SYTL4: variants seen among roughly 807,000 people sequenced by gnomAD.
SYTL4 encodes the protein synaptotagmin like 4, also known as synaptotagmin-like protein 4.
In SYTL4, 16 loss-of-function variants were observed where a neutral mutation model predicts 52.7. The observed-to-expected ratio is 0.30, with a 90% CI of 0.21 to 0.46. SYTL4 has a LOEUF of 0.46. Ranked by LOEUF, SYTL4 falls within the 20% of genes least tolerant of loss-of-function variation. The pLI, the probability that SYTL4 is intolerant of heterozygous loss-of-function variation, is 1.00. For missense variants in SYTL4, 423 were observed against 519.9 expected, an observed-to-expected ratio of 0.81 and a Z score of 1.81; for synonymous variants, 160 against 186.6, an observed-to-expected ratio of 0.86 and a Z score of 1.16.
At chrX:100,691,046 T>G (rs1404978635) in intron 9 of SYTL4, 62 bp downstream of exon 9, 1 of 857,556 alleles carries the variant, frequency 1.2e-6, no homozygotes, top group Non-Finnish European at 1.7e-6. Context: ...GGAACACTGA[T>G]GCTGCAGAAC....
At chrX:100,699,482 CTTTTT>C (rs1181762978) in intron 8 of SYTL4, among the ~76,000 whole-genome samples, 1 of 59,892 alleles carries the variant, frequency 1.7e-5, no homozygotes, top group African/African-American at 9.7e-5. Context: ...CAGCATTACT[CTTTTT>C]TTTTTTTTTT....
intron 8 of SYTL4, among the ~76,000 whole-genome samples, chrX:100,697,560 AATTTAACC>A (rs1460670227): frequency 8.9e-6 from 1 of 111,980 alleles, no homozygotes; most frequent in Non-Finnish European, 1.9e-5. Flanking sequence ...TCTGGAGAAG[AATTTAACC>A]CTAGGAAAAC....
intron 2 of SYTL4, among the ~76,000 whole-genome samples, chrX:100,730,228 G>A (rs2084614003): frequency 1.8e-5 from 2 of 111,548 alleles, no homozygotes; most frequent in Admixed American, 9.5e-5. Flanking sequence ...TAGTGGTAAC[G>A]TGGCAACTGG....
intron 2 of SYTL4, among the ~76,000 whole-genome samples, chrX:100,718,805 T>TTA (rs2084280046): frequency 9.3e-6 from 1 of 107,396 alleles, no homozygotes; most frequent in South Asian, 4.2e-4. Context: ...ACTCCTTTTT[T>TTA]TTTTTTTGTG....
rs144128743 is a variant in SYTL4, at chrX:100,727,726, A to C, written c.-240+3692T>G. ...GCAGAACACATGATACAGTCTGAAG[A>C]TCAGGTCAGCAGGACTCCCTCATGA... On this transcript the variant is annotated intron_variant, in intron 2 of 19. Coordinates refer to ENST00000372989, the MANE Select transcript of SYTL4 (RefSeq NM_001370165.1). Among the ~76,000 whole-genome samples the C allele has an allele frequency of 6.3e-5, 7 of 111,949 alleles. No homozygotes were observed. In the East Asian group the frequency reaches 2.0e-3, roughly 31 times the overall value.
Position 100,712,983 on chromosome X carries a change from C to T in SYTL4, c.-239-8097G>A, listed in dbSNP as rs145888876. On this transcript the variant is annotated intron_variant, in intron 2 of 19. Transcript: ENST00000372989. ...TAGAATGACCAAAATTTAAAATGCA[C>T]CAAATGTTGGCCGGCATTTGAAGCA... 5.5e-3 allele frequency among the ~76,000 whole-genome samples: 616 copies of T among 112,110 alleles called. 8 individuals carry two copies. The highest frequency in any genetic ancestry group is 0.019 in the African/African-American group (579 of 30,860).
At chrX:100,719,533 T>C (rs2084296539) in intron 2 of SYTL4, among the ~76,000 whole-genome samples, 1 of 105,747 alleles carries the variant, frequency 9.5e-6, no homozygotes, top group Admixed American at 9.9e-5. Context: ...TCTGGCTTAC[T>C]TTCCCAGACC....
At chrX:100,724,844 C>T (rs1488998723) in intron 2 of SYTL4, among the ~76,000 whole-genome samples, 1 of 81,476 alleles carries the variant, frequency 1.2e-5, no homozygotes, top group African/African-American at 4.7e-5. Context: ...TCCCCCTCTG[C>T]GAGAAACACC....
chrX:100,719,653 A>C (rs2084299963), intron 2 of SYTL4, among the ~76,000 whole-genome samples: 1 of 97,631 alleles, frequency 1.0e-5, no homozygotes, highest in African/African-American at 3.7e-5. Context: ...CCATCCTAAA[A>C]GATGGCAGGT....
At chrX:100,685,324 T>C (rs946933382) in intron 16 of SYTL4, 1 of 112,191 alleles carries the variant, frequency 8.9e-6, no homozygotes, top group Non-Finnish European at 1.9e-5. Flanking sequence ...TAAGATGAAC[T>C]TTGTCATGTC....
At chrX:100,685,926 G>A in intron 16 of SYTL4, 64 bp downstream of exon 16, 1 of 1,068,894 alleles carries the variant, frequency 9.4e-7, no homozygotes, top group African/African-American at 1.8e-5. Context: ...ACATAGACCA[G>A]CAGAGGCTAC....
chrX:100,701,798 C>T lies in SYTL4; in HGVS notation c.111-125G>A, dbSNP rs910851965. The T allele has an allele frequency of 7.3e-6, 6 of 821,095 alleles. No individual in the cohort carries two copies. The South Asian group carries it at 9.7e-5, about 13-fold the overall frequency. 67.7% of individuals were successfully genotyped at this position (821,095 alleles called of 1,213,427 possible). A position where few individuals can be genotyped will look rare whatever the true frequency, so the allele number is the denominator to read the frequency against. On this transcript the variant is annotated intron_variant, in intron 5 of 19. Transcript: ENST00000372989. ...TGGAAGCAACAAACTCAGAGCCCAG[C>T]GTGACCCAATAAGTAGTGGTAAACA...
chrX:100,714,235 T>C lies in SYTL4; in HGVS notation c.-239-9349A>G, dbSNP rs912818513. Among the ~76,000 whole-genome samples, 17 of 109,132 alleles carry C rather than the reference T, an allele frequency of 1.6e-4. 1 individual carries two copies. The highest frequency in any genetic ancestry group is 2.0e-4 in the Admixed American group (2 of 9,940). 94.8% of individuals were successfully genotyped at this position (109,132 alleles called of 115,157 possible). On this transcript the variant is annotated intron_variant, in intron 2 of 19. Transcript: ENST00000372989. The stretch of plus-strand genomic sequence containing the variant: ...AAGACACTAGGAGCCTTTAAATTAA[T>C]TGAAACACTAAAATATTTTATGTCA...
intron 16 of SYTL4, among the ~76,000 whole-genome samples, chrX:100,683,962 C>A (rs1246188007): frequency 9.0e-6 from 1 of 111,364 alleles, no homozygotes; most frequent in East Asian, 2.8e-4. Context: ...GTGACATTTC[C>A]AATATAATTA....
chrX:100,724,190 G>A (rs1485738387), intron 2 of SYTL4, among the ~76,000 whole-genome samples: 1 of 99,470 alleles, frequency 1.0e-5, no homozygotes, highest in Admixed American at 1.0e-4. Flanking sequence ...CCGGGAGGGA[G>A]GTGGGGGGGT....
intron 8 of SYTL4, among the ~76,000 whole-genome samples, chrX:100,692,724 C>A (rs917771336): frequency 1.2e-4 from 13 of 110,517 alleles, no homozygotes; most frequent in Non-Finnish European, 1.9e-4. Flanking sequence ...ACCACACTCT[C>A]CTGGTTTCCT....
At position 100,701,665 on chromosome X, in the gene SYTL4, T is replaced by G. The variant is rs757433666; in HGVS notation, c.119A>C (p.Lys40Thr). 2.5e-6 allele frequency: 3 copies of G among 1,211,073 alleles called. No homozygotes were observed. Among genetic ancestry groups the G allele is most frequent in the Non-Finnish European group, 3.4e-6 (3 of 894,930 alleles). ...CCTTTTTATCTCCAGTAACTCATTC[T>G]TTAGTCGCCTGCCAAGACCCAAAAC... ...KADEKRIRRLKNELLEIKRKG... is the reference protein window; with the variant it reads ...KADEKRIRRLTNELLEIKRKG... The change falls in exon 6 of 20, where the codon AAG (lysine) becomes ACG (threonine). Residue 40 changes from lysine (K) to threonine (T), a missense_variant. Physicochemically the swap from Lys to Thr is moderately conservative, Grantham distance 78 (BLOSUM62 -1). Transcript: ENST00000372989.
intron 2 of SYTL4, among the ~76,000 whole-genome samples, chrX:100,729,291 A>C (rs2084590770): frequency 9.0e-6 from 1 of 111,427 alleles, no homozygotes; most frequent in Non-Finnish European, 1.9e-5. Flanking sequence ...ATGATGTACC[A>C]AGGACTGTTC....
chrX:100,677,133 T>C (rs774865279), intron 19 of SYTL4, among the ~76,000 whole-genome samples: 1 of 112,033 alleles, frequency 8.9e-6, no homozygotes, highest in South Asian at 3.8e-4. Context: ...GATGGAGTGG[T>C]CTGAGGACTC....
Sources: gnomAD v4.1 joint callset for allele counts (sites outside exome capture counted in the v4.1 genomes callset) on GRCh38, gnomAD v4.1.1 for gene constraint, MANE v1.5 for transcripts, NCBI Gene and HGNC (gene_info 2026-07-23, HGNC 2026-07-21) for gene names.